The following KCTD20 variants were observed in gnomAD, a reference collection of about 807,000 sequenced individuals.
KCTD20 encodes BTB/POZ domain-containing protein KCTD20.
A neutral mutation model predicts 39.6 loss-of-function variants in KCTD20; 30 were observed. The ratio of observed to expected loss-of-function variants is 0.76; its 90% CI spans 0.57 to 1.03. KCTD20 has a LOEUF of 1.03. Ranked by LOEUF, KCTD20 falls within the 50% of genes least tolerant of loss-of-function variation. The probability of loss-of-function intolerance (pLI) is 0.00; values close to 1 mark genes in which losing one functional copy is unlikely to be tolerated. For synonymous variants in KCTD20, 162 were observed against 180.6 expected (o/e 0.90, Z 0.83); for missense variants, 422 against 522.0 (o/e 0.81, Z 1.87).
chr6:36,462,846 G>C (rs557385512), intron 1 of KCTD20, among the ~76,000 whole-genome samples: 3 of 152,208 alleles, frequency 2.0e-5, no homozygotes, highest in Non-Finnish European at 2.9e-5. Context: ...CCTCCAGTCT[G>C]TCTGTGGTCT....
chr6:36,488,538 T>C lies in KCTD20; in HGVS notation c.*1363T>C, dbSNP rs903688673. 6 of 152,176 alleles carry C rather than the reference T, an allele frequency of 3.9e-5. No individual in the cohort carries two copies. The highest frequency in any genetic ancestry group is 3.3e-4 in the Admixed American group (5 of 15,280). 9.4% of individuals were successfully genotyped at this position (152,176 alleles called of 1,614,324 possible). A position where few individuals can be genotyped will look rare whatever the true frequency, so the allele number is the denominator to read the frequency against. ...GAAGCTGACTGGAATACAGGTTGAG[T>C]ATCTCTTATCCAAAATGCTAGGGAC... On this transcript the variant is annotated 3_prime_UTR_variant, in exon 8 of 8. Coordinates refer to ENST00000373731, the MANE Select transcript of KCTD20 (RefSeq NM_173562.5).
chr6:36,460,800 A>G (rs1775580125), intron 1 of KCTD20, among the ~76,000 whole-genome samples: 1 of 152,098 alleles, frequency 6.6e-6, no homozygotes. Flanking sequence ...TAAAACATAC[A>G]TAGAAATTTT....
chr6:36,448,989 C>T (rs1475621175), intron 1 of KCTD20, among the ~76,000 whole-genome samples: 2 of 151,582 alleles, frequency 1.3e-5, no homozygotes, highest in African/African-American at 4.8e-5. Flanking sequence ...TTGCTGACTT[C>T]AGGAGTGAAG....
In KCTD20 at chr6:36,489,620, C is replaced by G. The variant is rs1776525874; in HGVS notation, c.*2445C>G. On this transcript the variant is annotated 3_prime_UTR_variant, in exon 8 of 8. Transcript: ENST00000373731. The stretch of plus-strand genomic sequence containing the variant: ...GCAGGCCATTCTGCAAAAGCAGGAC[C>G]TCACAGAAACAAGGGCTGGGTTGAG... 1 of 152,254 alleles carries G rather than the reference C, an allele frequency of 6.6e-6. No individual in the cohort carries two copies. Among genetic ancestry groups the G allele is most frequent in the African/African-American group, 2.4e-5 (1 of 41,450 alleles). The allele number at this position is 152,254 out of a possible 1,614,324, so 9.4% of individuals were successfully genotyped here. A position where few individuals can be genotyped will look rare whatever the true frequency, so the allele number is the denominator to read the frequency against.
intron 1 of KCTD20, among the ~76,000 whole-genome samples, chr6:36,452,211 T>C (rs2127430393): frequency 6.6e-6 from 1 of 152,328 alleles, no homozygotes; most frequent in Middle Eastern, 3.4e-3. Flanking sequence ...TTTGATTTTC[T>C]CATAATTTGT....
chr6:36,465,309 A>C (rs1284974703), intron 1 of KCTD20, among the ~76,000 whole-genome samples: 2 of 151,616 alleles, frequency 1.3e-5, no homozygotes, highest in Admixed American at 6.6e-5. Flanking sequence ...AAAAAAAAAA[A>C]AAAACAGTAT....
Position 36,479,731 on chromosome 6 carries a change from C to CCAGCTG in KCTD20, c.658+23_658+28dup, listed in dbSNP as rs754893572. On this transcript the variant is annotated intron_variant, in intron 5 of 7. Transcript: ENST00000373731. The stretch of plus-strand genomic sequence containing the variant: ...ATCTGAGTAAGTACAGGAGCAGGTG[C>CCAGCTG]CAGCTGCACTTAAGCAGCTGAACTT... 1 of 1,571,748 alleles carries CCAGCTG rather than the reference C, an allele frequency of 6.4e-7. No individual in the cohort carries two copies. The highest frequency in any genetic ancestry group is 1.4e-5 in the African/African-American group (1 of 72,958).
At chr6:36,463,419 A>G (rs1003898668) in intron 1 of KCTD20, among the ~76,000 whole-genome samples, 2 of 152,224 alleles carry the variant, frequency 1.3e-5, no homozygotes, top group African/African-American at 4.8e-5. Flanking sequence ...TATCTTTTGT[A>G]TAAGAGAAAA....
intron 1 of KCTD20, among the ~76,000 whole-genome samples, chr6:36,464,701 T>C (rs1317817660): frequency 1.3e-5 from 2 of 152,124 alleles, no homozygotes; most frequent in Non-Finnish European, 2.9e-5. Context: ...AAAACCTGCT[T>C]AACAGAAAAC....
chr6:36,486,315 A>G (rs933283583), intron 7 of KCTD20, among the ~76,000 whole-genome samples: 20 of 152,274 alleles, frequency 1.3e-4, no homozygotes, highest in African/African-American at 4.3e-4. Context: ...TTACCATTAG[A>G]ACATTCTGCC....
At chr6:36,461,654 TAA>T (rs989461860) in intron 1 of KCTD20, among the ~76,000 whole-genome samples, 19 of 152,300 alleles carry the variant, frequency 1.2e-4, no homozygotes, top group African/African-American at 3.1e-4. Context: ...CTTTCAACGT[TAA>T]GTTATATTGA....
chr6:36,471,040 A>G (rs1775895376), intron 2 of KCTD20, among the ~76,000 whole-genome samples: 1 of 151,978 alleles, frequency 6.6e-6, no homozygotes, highest in Non-Finnish European at 1.5e-5. Flanking sequence ...AATCTCAGCT[A>G]CTTGGGAGTA....
chr6:36,465,955 A>C (rs1775740037), intron 1 of KCTD20, among the ~76,000 whole-genome samples: 1 of 152,204 alleles, frequency 6.6e-6, no homozygotes, highest in African/African-American at 2.4e-5. Context: ...CTGTTAAGCT[A>C]TAACAGGGTG....
chr6:36,485,524 T>C (rs1280236437), intron 7 of KCTD20, among the ~76,000 whole-genome samples: 2 of 141,298 alleles, frequency 1.4e-5, no homozygotes, highest in Non-Finnish European at 3.0e-5. Context: ...AGATGGAGTC[T>C]CACTCTGTCG....
intron 1 of KCTD20, among the ~76,000 whole-genome samples, chr6:36,458,175 C>G (rs1380816167): frequency 6.6e-6 from 1 of 152,156 alleles, no homozygotes; most frequent in Non-Finnish European, 1.5e-5. Flanking sequence ...ATCTCAGCCT[C>G]CTGAGTAGCT....
intron 6 of KCTD20, among the ~76,000 whole-genome samples, chr6:36,483,226 T>G (rs1439174472): frequency 6.6e-6 from 1 of 150,736 alleles, no homozygotes; most frequent in Non-Finnish European, 1.5e-5. Flanking sequence ...ACATGACAGG[T>G]TTGTTTCCTA....
chr6:36,472,478 C>T (rs1029318177), intron 2 of KCTD20, among the ~76,000 whole-genome samples: 1 of 151,632 alleles, frequency 6.6e-6, no homozygotes, highest in Non-Finnish European at 1.5e-5. Context: ...AATCATGTTC[C>T]TGAATTTGTT....
intron 1 of KCTD20, among the ~76,000 whole-genome samples, chr6:36,454,052 A>G (rs924357388): frequency 4.6e-5 from 7 of 152,134 alleles, no homozygotes; most frequent in African/African-American, 1.4e-4. Flanking sequence ...TATTCTTTCA[A>G]TCTTTTGAAA....
intron 1 of KCTD20, among the ~76,000 whole-genome samples, chr6:36,452,999 C>CTTTTTT (rs59865602): frequency 5.7e-4 from 33 of 58,132 alleles, no homozygotes; most frequent in Non-Finnish European, 8.3e-4. Flanking sequence ...GTTTTCTTAG[C>CTTTTTT]TTTTTTTTTT....
Sources: allele counts gnomAD v4.1 joint callset (sites outside exome capture counted in the v4.1 genomes callset), GRCh38; gene constraint gnomAD v4.1.1; transcripts MANE v1.5; gene names NCBI Gene and HGNC (gene_info 2026-07-23, HGNC 2026-07-21).